Variants in NKAIN3 observed in about 807,000 individuals in gnomAD.
NKAIN3 encodes the protein sodium/potassium transporting ATPase interacting 3.
Under a neutral mutation model 30.2 loss-of-function variants are expected in NKAIN3, and 25 were observed. That is an observed-to-expected ratio of 0.83 (90% CI 0.60 to 1.16). The LOEUF is 1.16. Among genes scored for constraint, NKAIN3 ranks in the 50% most tolerant of loss-of-function variants. The probability of loss-of-function intolerance (pLI) is 0.00; values close to 1 mark genes in which losing one functional copy is unlikely to be tolerated. For synonymous variants in NKAIN3, 91 were observed against 89.6 expected, an observed-to-expected ratio of 1.02 and a Z score of -0.09; for missense variants, 225 against 254.1, an observed-to-expected ratio of 0.89 and a Z score of 0.78.
chr8:62,903,462 G>T (rs1292856202), intron 4 of NKAIN3, among the ~76,000 whole-genome samples: 2 of 152,042 alleles, frequency 1.3e-5, no homozygotes, highest in Non-Finnish European at 2.9e-5. Flanking sequence ...GATCCTAAGA[G>T]CCTAGACTTC....
At chr8:62,782,429 C>G (rs543961043) in intron 4 of NKAIN3, among the ~76,000 whole-genome samples, 1 of 151,758 alleles carries the variant, frequency 6.6e-6, no homozygotes, top group Non-Finnish European at 1.5e-5. Flanking sequence ...GGTATTTATC[C>G]AAAGGAAAAG....
At chr8:62,852,115 T>A (rs530470905) in intron 4 of NKAIN3, among the ~76,000 whole-genome samples, 1 of 152,322 alleles carries the variant, frequency 6.6e-6, no homozygotes, top group South Asian at 2.1e-4. Context: ...AGCTATTAAT[T>A]GTTGCCTCAA....
chr8:62,527,882 GGTGTGTGTGTGT>G (rs68020312), intron 1 of NKAIN3, among the ~76,000 whole-genome samples: 28 of 143,798 alleles, frequency 1.9e-4, no homozygotes, highest in African/African-American at 6.2e-4. Context: ...ACTTTTTTTT[GGTGTGTGTGTGT>G]GTGTGTGTGT....
At chr8:62,637,803 G>A (rs1255919261) in intron 3 of NKAIN3, among the ~76,000 whole-genome samples, 1 of 152,134 alleles carries the variant, frequency 6.6e-6, no homozygotes, top group African/African-American at 2.4e-5. Flanking sequence ...AGGCCAACGA[G>A]GGGAGATGAG....
chr8:62,682,204 A>G (rs1813665094), intron 3 of NKAIN3, among the ~76,000 whole-genome samples: 1 of 152,144 alleles, frequency 6.6e-6, no homozygotes, highest in Admixed American at 6.5e-5. Context: ...CCCCTTGAAC[A>G]CACACCCTCA....
intron 1 of NKAIN3, among the ~76,000 whole-genome samples, chr8:62,302,502 A>C (rs1814083383): frequency 6.6e-6 from 1 of 152,062 alleles, no homozygotes; most frequent in African/African-American, 2.4e-5. Context: ...ATAAACATTA[A>C]TTTAAAATAT....
intron 1 of NKAIN3, among the ~76,000 whole-genome samples, chr8:62,368,442 C>A (rs572635825): frequency 5.9e-5 from 9 of 152,230 alleles, no homozygotes; most frequent in Non-Finnish European, 1.2e-4. Context: ...AGAACACACA[C>A]AGAAAGGATC....
intron 4 of NKAIN3, among the ~76,000 whole-genome samples, chr8:62,791,172 C>T (rs1338683254): frequency 6.6e-6 from 1 of 152,040 alleles, no homozygotes; most frequent in Non-Finnish European, 1.5e-5. Context: ...ACAGTTTCCA[C>T]CCGTTTAGAG....
intron 1 of NKAIN3, among the ~76,000 whole-genome samples, chr8:62,515,886 TA>T (rs1231680483): frequency 1.3e-5 from 2 of 152,150 alleles, no homozygotes; most frequent in African/African-American, 2.4e-5. Flanking sequence ...ATATTTAAAT[TA>T]CTTGCTTATT....
chr8:62,409,585 TAGAA>T (rs1804176759), intron 1 of NKAIN3, among the ~76,000 whole-genome samples: 1 of 152,174 alleles, frequency 6.6e-6, no homozygotes, highest in African/African-American at 2.4e-5. Context: ...TCATTATACT[TAGAA>T]AGTTTTTCCA....
intron 3 of NKAIN3, among the ~76,000 whole-genome samples, chr8:62,597,856 T>C (rs1329412893): frequency 6.6e-6 from 1 of 151,934 alleles, no homozygotes; most frequent in African/African-American, 2.4e-5. Context: ...ATATATATAA[T>C]GTATATTATA....
chr8:62,642,847 A>G (rs1273551268), intron 3 of NKAIN3, among the ~76,000 whole-genome samples: 2 of 152,090 alleles, frequency 1.3e-5, no homozygotes, highest in Non-Finnish European at 2.9e-5. Flanking sequence ...ATATGCTAAC[A>G]TATTGTAAAC....
intron 1 of NKAIN3, among the ~76,000 whole-genome samples, chr8:62,574,347 C>T (rs953856898): frequency 1.1e-4 from 16 of 152,112 alleles, no homozygotes; most frequent in African/African-American, 3.9e-4. Flanking sequence ...CTGCAATAAA[C>T]GTGGGAGTAC....
intron 4 of NKAIN3, among the ~76,000 whole-genome samples, chr8:62,796,817 A>ACACACAG: frequency 2.4e-5 from 1 of 41,370 alleles, no homozygotes; most frequent in East Asian, 5.2e-4. Context: ...CACACACACA[A>ACACACAG]ATACTCATGA....
Position 62,279,782 on chromosome 8 carries a change from T to G in NKAIN3, c.54+30655T>G, listed in dbSNP as rs549599454. 1.3e-4 allele frequency among the ~76,000 whole-genome samples: 20 copies of G among 152,330 alleles called. 1 individual carries two copies. The South Asian group carries it at 3.7e-3, about 28-fold the overall frequency. On this transcript the variant is annotated intron_variant, in intron 1 of 6. Transcript: ENST00000623646. ...TGCTGTTTTGGTTACTGTAGCCTTG[T>G]AGTATAGTTTGAAGTCAGGTAGCAT... is the stretch of plus-strand genomic sequence containing the variant.
At chr8:62,832,814 A>G (rs942348394) in intron 4 of NKAIN3, among the ~76,000 whole-genome samples, 7 of 152,076 alleles carry the variant, frequency 4.6e-5, no homozygotes, top group African/African-American at 1.7e-4. Flanking sequence ...GATATTCTGG[A>G]CTTAAACTCG....
At chr8:62,785,327 C>A (rs1057489313) in intron 4 of NKAIN3, among the ~76,000 whole-genome samples, 4 of 152,094 alleles carry the variant, frequency 2.6e-5, no homozygotes, top group African/African-American at 4.8e-5. Flanking sequence ...TCACAGAAGA[C>A]CACATGGTAT....
At position 62,799,449 on chromosome 8, in the gene NKAIN3, C is replaced by T. The variant is rs137950806; in HGVS notation, c.471+52320C>T. Among the ~76,000 whole-genome samples, 813 of 152,212 alleles carry T rather than the reference C, an allele frequency of 5.3e-3. 3 individuals are homozygous for T. Among genetic ancestry groups the T allele is most frequent in the African/African-American group, 0.018 (752 of 41,520 alleles). On this transcript the variant is annotated intron_variant, in intron 4 of 6. Transcript: ENST00000623646. ...GCCAACAAGCATACGGAAAAATGCTCAACATCACTAATTATCAGGGAAATG... is the reference window on the plus strand; with the variant it reads ...GCCAACAAGCATACGGAAAAATGCTTAACATCACTAATTATCAGGGAAATG...
intron 3 of NKAIN3, among the ~76,000 whole-genome samples, chr8:62,714,477 A>G (rs532491211): frequency 6.6e-6 from 1 of 152,236 alleles, no homozygotes; most frequent in South Asian, 2.1e-4. Context: ...CACTTTCTAA[A>G]AGCCAGAAAA....
Sources: allele counts gnomAD v4.1 joint callset (sites outside exome capture counted in the v4.1 genomes callset), GRCh38; gene constraint gnomAD v4.1.1; transcripts MANE v1.5; gene names NCBI Gene and HGNC (gene_info 2026-07-23, HGNC 2026-07-21).